The following HSD17B12 variants were observed in gnomAD, a reference collection of about 807,000 sequenced individuals.
HSD17B12 encodes very-long-chain 3-oxoacyl-CoA reductase.
HSD17B12 carries 32 observed loss-of-function variants against 39.3 expected under a neutral mutation model. The ratio of observed to expected loss-of-function variants is 0.81; its 90% CI spans 0.61 to 1.09. The LOEUF is 1.09. HSD17B12 is among the 50% of genes least tolerant of loss of function. The probability of loss-of-function intolerance (pLI) is 0.00; values close to 1 mark genes in which losing one functional copy is unlikely to be tolerated. For missense variants in HSD17B12, 342 were observed against 382.9 expected, an observed-to-expected ratio of 0.89 and a Z score of 0.89; for synonymous variants, 150 against 146.7, an observed-to-expected ratio of 1.02 and a Z score of -0.16.
chr11:43,710,038 A>C (rs1421991749), intron 1 of HSD17B12, among the ~76,000 whole-genome samples: 4 of 152,190 alleles, frequency 2.6e-5, no homozygotes, highest in Admixed American at 2.6e-4. Flanking sequence ...AACTAAGTTG[A>C]AGCTGAAATG....
intron 3 of HSD17B12, among the ~76,000 whole-genome samples, chr11:43,776,098 TA>T (rs777568353): frequency 1.3e-5 from 2 of 152,192 alleles, no homozygotes; most frequent in Non-Finnish European, 1.5e-5. Context: ...CAGCATGATT[TA>T]TAGTCCTTTG....
At chr11:43,815,562 A>T in intron 5 of HSD17B12, 61 bp downstream of exon 5, 1 of 1,028,480 alleles carries the variant, frequency 9.7e-7, no homozygotes, top group South Asian at 1.6e-5. Context: ...TGGTATAATG[A>T]TTCACACTAT....
chr11:43,809,861 T>C (rs1416423313), intron 4 of HSD17B12, among the ~76,000 whole-genome samples: 1 of 152,154 alleles, frequency 6.6e-6, no homozygotes, highest in Non-Finnish European at 1.5e-5. Context: ...TAAGATGTCT[T>C]TTTATTAACT....
chr11:43,768,144 G>A (rs1950613605), intron 3 of HSD17B12, among the ~76,000 whole-genome samples: 1 of 152,160 alleles, frequency 6.6e-6, no homozygotes, highest in South Asian at 2.1e-4. Flanking sequence ...GCTTTTAAGT[G>A]TACTTTAAGT....
intron 1 of HSD17B12, among the ~76,000 whole-genome samples, chr11:43,716,445 A>G (rs1398950860): frequency 6.6e-6 from 1 of 152,114 alleles, no homozygotes; most frequent in Non-Finnish European, 1.5e-5. Flanking sequence ...CTTGAGTAAT[A>G]CTTTATAATT....
the HSD17B12 span, among the ~76,000 whole-genome samples, chr11:43,591,410 G>C: frequency 1.3e-5 from 2 of 152,174 alleles, no homozygotes; most frequent in South Asian, 4.1e-4. Flanking sequence ...GTCTTACATA[G>C]TTTTACACAA....
chr11:43,591,345 C>T, the HSD17B12 span, among the ~76,000 whole-genome samples: 4 of 152,040 alleles, frequency 2.6e-5, no homozygotes, highest in Non-Finnish European at 2.9e-5. Flanking sequence ...CTCTCTAAAT[C>T]GTAGATATTT....
At chr11:43,577,861 GGGA>G in the HSD17B12 span, among the ~76,000 whole-genome samples, 1 of 152,194 alleles carries the variant, frequency 6.6e-6, no homozygotes, top group African/African-American at 2.4e-5. Flanking sequence ...AGGGAAATTG[GGGA>G]GGAGGTGTTC....
the HSD17B12 span, among the ~76,000 whole-genome samples, chr11:43,631,104 C>A: frequency 1.3e-5 from 2 of 152,172 alleles, no homozygotes; most frequent in Admixed American, 1.3e-4. Context: ...AGCGCCCGAC[C>A]AATAATTTCT....
intron 3 of HSD17B12, among the ~76,000 whole-genome samples, chr11:43,793,932 T>C (rs1308954493): frequency 6.6e-6 from 1 of 152,212 alleles, no homozygotes; most frequent in Non-Finnish European, 1.5e-5. Context: ...AATGGAGCAG[T>C]AGATAGAAAG....
chr11:43,787,609 C>T (rs1302514692), intron 3 of HSD17B12, among the ~76,000 whole-genome samples: 4 of 151,764 alleles, frequency 2.6e-5, no homozygotes, highest in Admixed American at 1.3e-4. Flanking sequence ...TTGTGGCAGG[C>T]GCCTGTAATC....
rs891921395 is a variant in HSD17B12 at position 43,856,154 on chromosome 11, T to C, written c.*906T>C. On this transcript the variant is annotated 3_prime_UTR_variant, in exon 11 of 11. Transcript: ENST00000278353. ...TAAGTTGATACTCTACAGGTAGCTA[T>C]TGATATAATTAGTTTTAATAAAACA... The C allele has an allele frequency of 5.3e-5, 8 of 152,228 alleles. No individual in the cohort carries two copies. The highest frequency in any genetic ancestry group is 1.9e-4 in the African/African-American group (8 of 41,444). The allele number at this position is 152,228 out of a possible 1,614,324, so 9.4% of individuals were successfully genotyped here. A position where few individuals can be genotyped will look rare whatever the true frequency, so the allele number is the denominator to read the frequency against.
chr11:43,690,357 CATACATATATAT>C (rs1327188625), intron 1 of HSD17B12, among the ~76,000 whole-genome samples: 12 of 74,074 alleles, frequency 1.6e-4, no homozygotes, highest in African/African-American at 6.7e-4. Context: ...GTAAGGTATT[CATACATATATAT>C]ATATATATAT....
At chr11:43,559,932 C>T in the HSD17B12 span, among the ~76,000 whole-genome samples, 3 of 152,270 alleles carry the variant, frequency 2.0e-5, no homozygotes, top group South Asian at 6.2e-4. Context: ...AAAATGAACA[C>T]GTAGGGCCCC....
chr11:43,562,132 T>C, the HSD17B12 span, among the ~76,000 whole-genome samples: 2 of 152,264 alleles, frequency 1.3e-5, no homozygotes, highest in African/African-American at 2.4e-5. Context: ...AAATCAGAAG[T>C]GAGTTGGCTC....
chr11:43,595,579 G>A, the HSD17B12 span, among the ~76,000 whole-genome samples: 1 of 152,090 alleles, frequency 6.6e-6, no homozygotes, highest in Non-Finnish European at 1.5e-5. Flanking sequence ...AGATTCTATA[G>A]GTCTGTGGAT....
chr11:43,635,586 C>A, the HSD17B12 span, among the ~76,000 whole-genome samples: 3 of 152,080 alleles, frequency 2.0e-5, no homozygotes, highest in African/African-American at 7.2e-5. Flanking sequence ...GAGGAGAGCA[C>A]CTTGAAGATA....
At chr11:43,567,001 G>C in the HSD17B12 span, among the ~76,000 whole-genome samples, 5 of 152,196 alleles carry the variant, frequency 3.3e-5, no homozygotes, top group Admixed American at 6.5e-5. Context: ...GTGTGAGAAG[G>C]ATTCCGTGTC....
At chr11:43,758,449 A>G (rs1950530043) in intron 3 of HSD17B12, among the ~76,000 whole-genome samples, 1 of 152,136 alleles carries the variant, frequency 6.6e-6, no homozygotes, top group Non-Finnish European at 1.5e-5. Flanking sequence ...CCCCATCCCA[A>G]ATCTCAGGGT....
Sources: gnomAD v4.1 joint callset for allele counts (sites outside exome capture counted in the v4.1 genomes callset) on GRCh38, gnomAD v4.1.1 for gene constraint, MANE v1.5 for transcripts, NCBI Gene and HGNC (gene_info 2026-07-23, HGNC 2026-07-21) for gene names.